The following ROBO1 variants were observed in gnomAD, a reference collection of about 807,000 sequenced individuals.
ROBO1 encodes the protein roundabout homolog 1.
In ROBO1, 149 loss-of-function variants were observed where a neutral mutation model predicts 195.9. That is an observed-to-expected ratio of 0.76 (90% CI 0.67 to 0.87). The LOEUF (loss-of-function observed/expected upper bound fraction) is 0.87. ROBO1 is among the 40% of genes least tolerant of loss of function. ROBO1 has a pLI of 0.00. For synonymous variants in ROBO1, 816 were observed against 733.2 expected, an observed-to-expected ratio of 1.11 and a Z score of -1.82; for missense variants, 1,933 against 2,068.3, an observed-to-expected ratio of 0.93 and a Z score of 1.27.
At chr3:78,905,278 A>G (rs1171878896) in intron 4 of ROBO1, among the ~76,000 whole-genome samples, 1 of 152,086 alleles carries the variant, frequency 6.6e-6, no homozygotes, top group Non-Finnish European at 1.5e-5. Flanking sequence ...GGATACTGAG[A>G]GGCTTGTGAG....
intron 2 of ROBO1, among the ~76,000 whole-genome samples, chr3:79,573,473 C>A (rs879691821): frequency 3.3e-5 from 5 of 152,086 alleles, no homozygotes; most frequent in Non-Finnish European, 5.9e-5. Flanking sequence ...ATATGACAGT[C>A]TTCAATTATA....
intron 2 of ROBO1, among the ~76,000 whole-genome samples, chr3:79,582,925 C>G (rs1300458073): frequency 6.6e-6 from 1 of 151,968 alleles, no homozygotes; most frequent in Non-Finnish European, 1.5e-5. Context: ...GTGTAATAAA[C>G]AGCAAGCTAT....
chr3:79,022,884 G>C (rs563379135), intron 3 of ROBO1, among the ~76,000 whole-genome samples: 1 of 152,016 alleles, frequency 6.6e-6, no homozygotes, highest in African/African-American at 2.4e-5. Flanking sequence ...GCTTTTTGAC[G>C]GTCAAAATTC....
At chr3:78,818,667 G>T (rs1165641270) in intron 4 of ROBO1, among the ~76,000 whole-genome samples, 1 of 152,214 alleles carries the variant, frequency 6.6e-6, no homozygotes, top group Non-Finnish European at 1.5e-5. Context: ...AGCCAAAAGT[G>T]CTTCTGGGAA....
chr3:79,651,563 T>C (rs887192117), intron 1 of ROBO1, among the ~76,000 whole-genome samples: 14 of 152,110 alleles, frequency 9.2e-5, no homozygotes, highest in Non-Finnish European at 1.2e-4. Context: ...GTCAACTGAT[T>C]TATTTGCAGA....
intron 3 of ROBO1, among the ~76,000 whole-genome samples, chr3:79,080,300 C>T (rs1392864133): frequency 6.6e-6 from 1 of 151,756 alleles, no homozygotes; most frequent in East Asian, 1.9e-4. Context: ...ATTCACTACT[C>T]ATAGTACTGA....
intron 3 of ROBO1, among the ~76,000 whole-genome samples, chr3:79,105,732 T>A (rs2108519774): frequency 6.6e-6 from 1 of 151,808 alleles, no homozygotes; most frequent in African/African-American, 2.4e-5. Context: ...AAAAAATCCT[T>A]AGTGTCATCA....
intron 1 of ROBO1, among the ~76,000 whole-genome samples, chr3:79,716,829 A>C (rs1292377772): frequency 6.6e-6 from 1 of 152,018 alleles, no homozygotes; most frequent in East Asian, 1.9e-4. Flanking sequence ...AATCACATGA[A>C]TTTTAAAAAT....
At chr3:79,551,191 T>A (rs185022220) in intron 2 of ROBO1, among the ~76,000 whole-genome samples, 116 of 152,102 alleles carry the variant, frequency 7.6e-4, no homozygotes, top group Non-Finnish European at 1.4e-3. Context: ...TTTTAAATTT[T>A]AATTTTATTA....
In ROBO1 at chr3:79,767,912, T is replaced by G. The variant is rs148147144; in HGVS notation, c.-211A>C. On this transcript the variant is annotated 5_prime_UTR_variant, in exon 1 of 31. Transcript: ENST00000464233. ...AATAGGGAGAGAGTGAAGTCGGGTT[T>G]CTTCTCTGTATCAGCACCCTGGAAA... The G allele has an allele frequency of 2.0e-5, 3 of 152,242 alleles. No individual in the cohort carries two copies. The highest frequency in any genetic ancestry group is 7.2e-5 in the African/African-American group (3 of 41,456). The allele number at this position is 152,242 out of a possible 1,614,324, so 9.4% of individuals were successfully genotyped here. A position where few individuals can be genotyped will look rare whatever the true frequency, so the allele number is the denominator to read the frequency against.
chr3:79,244,802 A>C (rs1288024013), intron 2 of ROBO1, among the ~76,000 whole-genome samples: 1 of 152,086 alleles, frequency 6.6e-6, no homozygotes, highest in Non-Finnish European at 1.5e-5. Context: ...AGGCATATAC[A>C]TTTTAGAAAG....
rs577397560 is a variant in ROBO1, at chr3:78,788,365, G to A, written c.500-41465C>T. 2.0e-4 allele frequency among the ~76,000 whole-genome samples: 26 copies of A among 132,962 alleles called. No individual in the cohort carries two copies. The South Asian group carries it at 5.6e-3, about 29-fold the overall frequency. 87.2% of individuals were successfully genotyped at this position (132,962 alleles called of 152,430 possible). The stretch of plus-strand genomic sequence containing the variant: ...GATCTCCTGACCTCGTGATCCACCC[G>A]CCTCGGCCTCCCAAAGTGCTGGGAT... On this transcript the variant is annotated intron_variant, in intron 4 of 30. Coordinates refer to ENST00000464233, the MANE Select transcript of ROBO1 (RefSeq NM_002941.4).
At chr3:78,733,514 T>C (rs1435696872) in intron 5 of ROBO1, among the ~76,000 whole-genome samples, 1 of 152,170 alleles carries the variant, frequency 6.6e-6, no homozygotes, top group Non-Finnish European at 1.5e-5. Context: ...AGTAAACTTT[T>C]TAAAAATAGG....
intron 26 of ROBO1, among the ~76,000 whole-genome samples, chr3:78,621,189 T>C (rs1424802134): frequency 6.6e-6 from 1 of 152,064 alleles, no homozygotes; most frequent in Admixed American, 6.6e-5. Flanking sequence ...AGATAATTGT[T>C]TCAATATGGA....
intron 2 of ROBO1, among the ~76,000 whole-genome samples, chr3:79,441,606 T>C (rs1397143671): frequency 6.6e-6 from 1 of 152,114 alleles, no homozygotes; most frequent in Non-Finnish European, 1.5e-5. Context: ...ATTACTCTCC[T>C]TAGTCCTTCA....
intron 4 of ROBO1, among the ~76,000 whole-genome samples, chr3:78,914,388 C>A: frequency 6.6e-6 from 1 of 151,740 alleles, no homozygotes; most frequent in African/African-American, 2.4e-5. Context: ...TTTTTCAAAC[C>A]CTAGTTTATT....
At chr3:79,334,201 G>A (rs545771751) in intron 2 of ROBO1, among the ~76,000 whole-genome samples, 2 of 151,540 alleles carry the variant, frequency 1.3e-5, no homozygotes, top group East Asian at 1.9e-4. Flanking sequence ...TACTTGGGAG[G>A]CTGAGGCAAG....
chr3:79,541,385 T>A (rs1290047367), intron 2 of ROBO1, among the ~76,000 whole-genome samples: 1 of 152,028 alleles, frequency 6.6e-6, no homozygotes, highest in African/African-American at 2.4e-5. Context: ...TGTATTAACA[T>A]GCCCCCCTCC....
chr3:79,670,708 G>A (rs1158978355), intron 1 of ROBO1, among the ~76,000 whole-genome samples: 2 of 151,768 alleles, frequency 1.3e-5, no homozygotes, highest in Non-Finnish European at 2.9e-5. Flanking sequence ...AGAGCACTAA[G>A]AGGACTCAGC....
Sources: allele counts gnomAD v4.1 joint callset (sites outside exome capture counted in the v4.1 genomes callset), GRCh38; gene constraint gnomAD v4.1.1; transcripts MANE v1.5; gene names NCBI Gene and HGNC (gene_info 2026-07-23, HGNC 2026-07-21).